Variants in SNX19 observed in about 807,000 individuals in gnomAD.
The protein encoded by SNX19 is sorting nexin 19.
In SNX19, 60 loss-of-function variants were observed where a neutral mutation model predicts 85.2. That is an observed-to-expected ratio of 0.70 (90% CI 0.57 to 0.87). The LOEUF is 0.87. SNX19 is among the 40% of genes least tolerant of loss of function. The pLI is 0.00. For missense variants in SNX19, 1,201 were observed against 1,217.8 expected, an observed-to-expected ratio of 0.99 and a Z score of 0.21; for synonymous variants, 520 against 470.0, an observed-to-expected ratio of 1.11 and a Z score of -1.38.
At position 130,872,694 on chromosome 11, in the gene SNX19, C is replaced by G. The variant is rs1943075541; in HGVS notation, c.*5728G>C. On this transcript the variant is annotated 3_prime_UTR_variant, in exon 11 of 11. Transcript: ENST00000265909. ...GCTGCCCTGTGATTTCTGGCACTCC[C>G]AGTGGAAAGGAAGCAGAGGGGCCAA... is the stretch of plus-strand genomic sequence containing the variant. 6.6e-6 allele frequency among the ~76,000 whole-genome samples: 1 copy of G among 152,140 alleles called. No homozygotes were observed. The highest frequency in any genetic ancestry group is 6.5e-5 in the Admixed American group (1 of 15,278).
Position 130,914,326 on chromosome 11 carries a change from G to A in SNX19, c.1614C>T (p.Thr538=). 8 of 1,611,926 alleles carry A rather than the reference G, an allele frequency of 5.0e-6. No homozygotes were observed. The highest frequency in any genetic ancestry group is 6.8e-6 in the Non-Finnish European group (8 of 1,178,924). ...TGCCACTGTGCTCTCGGGCTGTAAT[G>A]GTGCCAGTGATACGAAGGTTCTGGA... ...VIIQNLRITG[T]ITAREHSGTG... Residue 538 remains threonine (T), a synonymous_variant, in exon 1 of 11, where the codon ACC becomes ACT. Transcript: ENST00000265909.
Position 130,879,631 on chromosome 11 carries a change from T to C in SNX19, c.2839A>G (p.Ile947Val). 1 of 1,613,918 alleles carries C rather than the reference T, an allele frequency of 6.2e-7. No homozygotes were observed. Among genetic ancestry groups the C allele is most frequent in the South Asian group, 1.1e-5 (1 of 91,076 alleles). ...LVLESLQQPL[I>V]NRHLIYCLGD... ...TAACATTTTCCCACTTACCTGTTGATGAGGGGTTGTTGTAGTGACTCCAGG... is the reference window on the plus strand; with the variant it reads ...TAACATTTTCCCACTTACCTGTTGACGAGGGGTTGTTGTAGTGACTCCAGG... Residue 947 changes from isoleucine to valine, a missense_variant, in exon 10 of 11, where the codon ATC becomes GTC. Around this residue, in one of 3 missense-constraint regions of SNX19, gnomAD observed 285 missense variants for 295.3 expected, o/e 0.97. Coordinates refer to ENST00000265909, the MANE Select transcript of SNX19 (RefSeq NM_014758.3).
intron 8 of SNX19, among the ~76,000 whole-genome samples, chr11:130,882,810 TC>T (rs1943775816): frequency 6.6e-6 from 1 of 152,192 alleles, no homozygotes; most frequent in African/African-American, 2.4e-5. Context: ...CATGTATACT[TC>T]TGCAATTTTT....
Position 130,914,640 on chromosome 11 carries a change from T to C in SNX19, c.1300A>G (p.Thr434Ala). The C allele has an allele frequency of 6.2e-7, 1 of 1,613,938 alleles. No individual in the cohort carries two copies. Residue 434 changes from threonine (T) to alanine (A), a missense_variant, in exon 1 of 11, where the codon ACA becomes GCA. Coordinates refer to ENST00000265909, the MANE Select transcript of SNX19 (RefSeq NM_014758.3). ...TTCAGTGTGGAGACCGGCAGGCCTGTCTCTGTTTCTGTCCCTGGACCCTCC... is the reference window on the plus strand; with the variant it reads ...TTCAGTGTGGAGACCGGCAGGCCTGCCTCTGTTTCTGTCCCTGGACCCTCC... Reference protein sequence around the residue: ...AEEGPGTETETGLPVSTLNSC... With the variant: ...AEEGPGTETEAGLPVSTLNSC...
chr11:130,909,237 G>A (rs915883709), intron 4 of SNX19, among the ~76,000 whole-genome samples: 3 of 152,058 alleles, frequency 2.0e-5, no homozygotes, highest in Non-Finnish European at 4.4e-5. Context: ...TGGAACTCTG[G>A]GCATTTACCC....
At chr11:130,894,658 G>A (rs1049572950) in intron 8 of SNX19, 2 of 985,316 alleles carry the variant, frequency 2.0e-6, no homozygotes, top group African/African-American at 1.7e-5. Context: ...AGTTTGGTAG[G>A]CTTTTTGTCA....
chr11:130,906,242 A>T, intron 6 of SNX19, 109 bp from the exon 7 acceptor site: 3 of 1,091,932 alleles, frequency 2.7e-6, no homozygotes, highest in Non-Finnish European at 1.3e-6. Flanking sequence ...TTGGGTATAA[A>T]ACCCAACTGA....
Position 130,916,010 on chromosome 11 carries a change from G to T in SNX19, c.-71C>A. The T allele has an allele frequency of 7.2e-7, 1 of 1,384,710 alleles. No homozygotes were observed. The highest frequency in any genetic ancestry group is 9.9e-7 in the Non-Finnish European group (1 of 1,009,054). The allele number at this position is 1,384,710 out of a possible 1,614,324, so 85.8% of individuals were successfully genotyped here. Reference sequence around the variant, plus strand: ...TTTACTTCAGAGTTAGGGAAGGGGGGCATGAACTGTGTCTCAGATATGGGG... The same window carrying T: ...TTTACTTCAGAGTTAGGGAAGGGGGTCATGAACTGTGTCTCAGATATGGGG... On this transcript the variant is annotated 5_prime_UTR_variant, in exon 1 of 11. Transcript: ENST00000265909.
Position 130,915,403 on chromosome 11 carries a change from C to T in SNX19, c.537G>A (p.Lys179=). 7 of 1,614,004 alleles carry T rather than the reference C, an allele frequency of 4.3e-6. No homozygotes were observed. The highest frequency in any genetic ancestry group is 5.9e-6 in the Non-Finnish European group (7 of 1,180,040). ...YIQAKEATAG[K]NGPVEPSHLW... is the part of the protein sequence containing the mutation. ...GGTGGGAAGGCTCAACTGGACCATT[C>T]TTCCCTGCAGTGGCCTCCTTTGCCT... Residue 179 remains lysine (K), a synonymous_variant, in exon 1 of 11, where the codon AAG becomes AAA. Transcript: ENST00000265909.
intron 8 of SNX19, among the ~76,000 whole-genome samples, chr11:130,897,181 T>G (rs1194156214): frequency 6.6e-6 from 1 of 152,112 alleles, no homozygotes; most frequent in Non-Finnish European, 1.5e-5. Context: ...GCCATCAAGT[T>G]TCTCCTGGGT....
At chr11:130,900,604 T>G (rs1207931626) in intron 8 of SNX19, among the ~76,000 whole-genome samples, 1 of 152,154 alleles carries the variant, frequency 6.6e-6, no homozygotes, top group Non-Finnish European at 1.5e-5. Context: ...GGTCAACTTT[T>G]TCCTACCCCT....
chr11:130,903,138 T>G, intron 8 of SNX19, 117 bp downstream of exon 8: 1 of 1,445,054 alleles, frequency 6.9e-7, no homozygotes. Context: ...CTGTAACCCC[T>G]GTAACAGAGA....
At chr11:130,901,533 C>T (rs1201592695) in intron 8 of SNX19, among the ~76,000 whole-genome samples, 1 of 152,058 alleles carries the variant, frequency 6.6e-6, no homozygotes, top group African/African-American at 2.4e-5. Context: ...AAGGCAGATA[C>T]AGGAAGATGA....
At chr11:130,906,204 T>C (rs1478929955) in intron 6 of SNX19, 71 bp from the exon 7 acceptor site, 41 of 1,493,858 alleles carry the variant, frequency 2.7e-5, no homozygotes, top group Non-Finnish European at 3.4e-5. Flanking sequence ...CACTCTAGGT[T>C]TCCCTGCCTC....
In SNX19 at chr11:130,872,563, C is replaced by T. The variant is rs1211667353; in HGVS notation, c.*5859G>A. Among the ~76,000 whole-genome samples, 1 of 152,052 alleles carries T rather than the reference C, an allele frequency of 6.6e-6. No homozygotes were observed. Among genetic ancestry groups the T allele is most frequent in the African/African-American group, 2.4e-5 (1 of 41,386 alleles). On this transcript the variant is annotated 3_prime_UTR_variant, in exon 11 of 11. Transcript: ENST00000265909. ...ATGTTTGGGGCAATGTCTCCCTCAC[C>T]GCCTCTCTCATCCTTTATACCATAA...
intron 8 of SNX19, among the ~76,000 whole-genome samples, chr11:130,888,498 GT>G (rs1461570681): frequency 6.6e-6 from 1 of 152,136 alleles, no homozygotes; most frequent in Non-Finnish European, 1.5e-5. Flanking sequence ...GCAAAAACTT[GT>G]TGGAATCCAT....
At chr11:130,901,481 A>G (rs2135372676) in intron 8 of SNX19, among the ~76,000 whole-genome samples, 1 of 152,300 alleles carries the variant, frequency 6.6e-6, no homozygotes, top group Admixed American at 6.5e-5. Flanking sequence ...TTAGGAACAC[A>G]TGGAAGGAAC....
At chr11:130,887,464 A>G (rs1944172379) in intron 8 of SNX19, among the ~76,000 whole-genome samples, 1 of 152,220 alleles carries the variant, frequency 6.6e-6, no homozygotes, top group Non-Finnish European at 1.5e-5. Context: ...CCTCTGTAAT[A>G]TAACGGCATA....
At chr11:130,889,995 G>A (rs964667348) in intron 8 of SNX19, among the ~76,000 whole-genome samples, 2 of 152,154 alleles carry the variant, frequency 1.3e-5, no homozygotes, top group African/African-American at 4.8e-5. Flanking sequence ...TAGAGATACA[G>A]TACAGGCTTC....
Sources: gnomAD v4.1 joint callset for allele counts (sites outside exome capture counted in the v4.1 genomes callset) on GRCh38, gnomAD v4.1.1 for gene constraint, gnomAD v4.1.1 regional missense constraint, MANE v1.5 for transcripts, NCBI Gene and HGNC (gene_info 2026-07-23, HGNC 2026-07-21) for gene names.